FBXL17: variants seen among roughly 807,000 people sequenced by gnomAD.
FBXL17 encodes F-box and leucine rich repeat protein 17.
Under a neutral mutation model 66.2 loss-of-function variants are expected in FBXL17, and 22 were observed. That is an observed-to-expected ratio of 0.33 (90% CI 0.24 to 0.47). The LOEUF (loss-of-function observed/expected upper bound fraction) is 0.47. FBXL17 is among the 20% of genes least tolerant of loss of function. The probability of loss-of-function intolerance (pLI) is 1.00; values close to 1 mark genes in which losing one functional copy is unlikely to be tolerated. For missense variants in FBXL17, 878 were observed against 948.2 expected (o/e 0.93, Z 0.97); for synonymous variants, 474 against 400.5 (o/e 1.18, Z -2.19).
chr5:108,287,800 A>G (rs76084450), intron 4 of FBXL17, among the ~76,000 whole-genome samples: 10,032 of 152,128 alleles, frequency 0.066, 1,105 homozygotes, highest in African/African-American at 0.23. Flanking sequence ...ATTCTACCCT[A>G]CAGACAAACA....
chr5:108,177,587 A>G (rs1431920887), intron 6 of FBXL17, among the ~76,000 whole-genome samples: 2 of 152,102 alleles, frequency 1.3e-5, no homozygotes, highest in East Asian at 3.9e-4. Context: ...ATGGGTTGGA[A>G]CTATCCTGGT....
At chr5:108,144,533 C>T (rs896935264) in intron 6 of FBXL17, among the ~76,000 whole-genome samples, 9 of 152,086 alleles carry the variant, frequency 5.9e-5, no homozygotes, top group African/African-American at 1.9e-4. Context: ...GGGTAGAAAC[C>T]GACTTCTGCA....
intron 7 of FBXL17, among the ~76,000 whole-genome samples, chr5:107,898,684 T>C (rs796722632): frequency 2.6e-5 from 4 of 152,284 alleles, no homozygotes; most frequent in African/African-American, 9.6e-5. Flanking sequence ...TGTGTTCTCA[T>C]TGTTCAACTC....
At chr5:108,249,737 C>T (rs1347436589) in intron 4 of FBXL17, among the ~76,000 whole-genome samples, 1 of 152,108 alleles carries the variant, frequency 6.6e-6, no homozygotes, top group Non-Finnish European at 1.5e-5. Context: ...GAGCTGAGAA[C>T]TACAAAATAT....
intron 3 of FBXL17, among the ~76,000 whole-genome samples, chr5:108,360,273 T>C (rs756255860): frequency 5.9e-5 from 9 of 152,104 alleles, no homozygotes; most frequent in Non-Finnish European, 7.4e-5. Flanking sequence ...GGCAGATCTA[T>C]TAGTAACAAA....
chr5:108,055,009 T>G (rs889454693), intron 6 of FBXL17, among the ~76,000 whole-genome samples: 8 of 152,126 alleles, frequency 5.3e-5, no homozygotes, highest in Non-Finnish European at 1.0e-4. Flanking sequence ...AAGTTTGTCA[T>G]AGAGTTTTAA....
intron 7 of FBXL17, among the ~76,000 whole-genome samples, chr5:107,898,841 T>C (rs1749472803): frequency 6.6e-6 from 1 of 152,238 alleles, no homozygotes; most frequent in Non-Finnish European, 1.5e-5. Context: ...GGTGTGTATG[T>C]GCCACATTTT....
At chr5:107,905,164 T>C (rs1749714120) in intron 7 of FBXL17, among the ~76,000 whole-genome samples, 1 of 152,122 alleles carries the variant, frequency 6.6e-6, no homozygotes, top group African/African-American at 2.4e-5. Context: ...GTCTAAGAGA[T>C]GAGAAAAATT....
intron 2 of FBXL17, among the ~76,000 whole-genome samples, chr5:108,366,569 G>A (rs1196823526): frequency 6.6e-6 from 1 of 151,792 alleles, no homozygotes. Flanking sequence ...GGGCTGGGTG[G>A]GGAGGGGGTT....
At chr5:108,014,273 C>T (rs1346037796) in intron 7 of FBXL17, among the ~76,000 whole-genome samples, 1 of 152,120 alleles carries the variant, frequency 6.6e-6, no homozygotes, top group Non-Finnish European at 1.5e-5. Flanking sequence ...GTTAATATTT[C>T]AGTTAATGGT....
At chr5:108,243,723 T>G (rs1036253841) in intron 4 of FBXL17, among the ~76,000 whole-genome samples, 4 of 152,120 alleles carry the variant, frequency 2.6e-5, no homozygotes, top group African/African-American at 9.6e-5. Context: ...AAAAAAGAAA[T>G]GTACAAGAGT....
chr5:108,246,344 TAAGTA>T (rs1431729969), intron 4 of FBXL17, among the ~76,000 whole-genome samples: 2 of 151,796 alleles, frequency 1.3e-5, no homozygotes, highest in Non-Finnish European at 2.9e-5. Flanking sequence ...CAAAAGTAAA[TAAGTA>T]AATAAGCAGG....
At chr5:108,129,685 A>G (rs1351720975) in intron 6 of FBXL17, among the ~76,000 whole-genome samples, 2 of 151,962 alleles carry the variant, frequency 1.3e-5, no homozygotes, top group Non-Finnish European at 2.9e-5. Flanking sequence ...TCCTGAGAAT[A>G]TATCAAATTG....
chr5:108,281,605 T>A (rs1757704210), intron 4 of FBXL17, among the ~76,000 whole-genome samples: 1 of 151,742 alleles, frequency 6.6e-6, no homozygotes, highest in Non-Finnish European at 1.5e-5. Flanking sequence ...ATTGCCAGTA[T>A]AACAATACAT....
intron 5 of FBXL17, among the ~76,000 whole-genome samples, chr5:108,223,046 T>TTA (rs1754941008): frequency 6.6e-6 from 1 of 152,112 alleles, no homozygotes; most frequent in African/African-American, 2.4e-5. Flanking sequence ...ATCAAGTACC[T>TTA]TATATATATT....
chr5:108,213,102 C>G, intron 5 of FBXL17, among the ~76,000 whole-genome samples: 1 of 152,266 alleles, frequency 6.6e-6, no homozygotes, highest in Non-Finnish European at 1.5e-5. Flanking sequence ...ACACTGTGAG[C>G]TTAAAACCGC....
chr5:108,193,406 T>G (rs958650210), intron 5 of FBXL17, among the ~76,000 whole-genome samples: 1 of 151,808 alleles, frequency 6.6e-6, no homozygotes, highest in Non-Finnish European at 1.5e-5. Flanking sequence ...TCTTGAAGTA[T>G]AAAAGTAGAA....
chr5:107,981,700 C>G (rs1236620577), intron 7 of FBXL17, among the ~76,000 whole-genome samples: 1 of 152,000 alleles, frequency 6.6e-6, no homozygotes, highest in African/African-American at 2.4e-5. Context: ...ATTATGGCAC[C>G]AGGGCAGGGA....
chr5:107,946,258 TATATATA>T (rs1751277979), intron 7 of FBXL17, among the ~76,000 whole-genome samples: 240 of 21,990 alleles, frequency 0.011, 4 homozygotes, highest in Non-Finnish European at 0.013. Flanking sequence ...TCTCATTTTA[TATATATA>T]TATATATATA....
Sources: gnomAD v4.1 joint callset for allele counts (sites outside exome capture counted in the v4.1 genomes callset) on GRCh38, gnomAD v4.1.1 for gene constraint, MANE v1.5 for transcripts, NCBI Gene and HGNC (gene_info 2026-07-23, HGNC 2026-07-21) for gene names.